The following CSF1R variants were observed in gnomAD, a reference collection of about 807,000 sequenced individuals.
CSF1R encodes macrophage colony-stimulating factor 1 receptor.
CSF1R carries 40 observed loss-of-function variants against 110.0 expected under a neutral mutation model. The observed-to-expected ratio is 0.36, with a 90% CI of 0.28 to 0.47. The LOEUF is 0.47. CSF1R is among the 20% of genes least tolerant of loss of function. CSF1R has a pLI of 0.99. For missense variants in CSF1R, 1,052 were observed against 1,253.0 expected, an observed-to-expected ratio of 0.84 and a Z score of 2.42; for synonymous variants, 523 against 503.4, an observed-to-expected ratio of 1.04 and a Z score of -0.52.
At chr5:150,061,027 C>G (rs1037981992) in intron 12 of CSF1R, 55 bp from the exon 13 acceptor site, 1 of 1,258,828 alleles carries the variant, frequency 7.9e-7, no homozygotes, top group Non-Finnish European at 1.1e-6. Flanking sequence ...CAGAGAGCAC[C>G]ACACAGATAC....
chr5:150,110,552 C>T (rs1759686414), intron 1 of CSF1R, among the ~76,000 whole-genome samples: 1 of 152,118 alleles, frequency 6.6e-6, no homozygotes, highest in Admixed American at 6.5e-5. Flanking sequence ...TTCCCATGGA[C>T]CTATGAGTAT....
intron 11 of CSF1R, 45 bp downstream of exon 11, chr5:150,061,678 A>T (rs1211520064): frequency 1.2e-6 from 2 of 1,614,124 alleles, no homozygotes; most frequent in Non-Finnish European, 1.7e-6. Context: ...CAACCCCCAC[A>T]GGCCCTGTGA....
At chr5:150,108,355 A>C (rs1322937399) in intron 1 of CSF1R, among the ~76,000 whole-genome samples, 1 of 152,182 alleles carries the variant, frequency 6.6e-6, no homozygotes, top group Non-Finnish European at 1.5e-5. Context: ...GGTAGCACCA[A>C]AAAAAGGGGC....
intron 1 of CSF1R, among the ~76,000 whole-genome samples, chr5:150,105,219 G>A (rs1186018056): frequency 2.0e-5 from 3 of 148,276 alleles, no homozygotes; most frequent in Admixed American, 6.7e-5. Context: ...GTGGTGGCAC[G>A]TGGCTGTAGT....
rs755391076 is a variant in CSF1R, at chr5:150,069,838, G to A, written c.1510+35C>T. ...AAAGGAGCAGGGGCGGGGGGCGGGCGGGGGGGCGGTGCGGGTGCGAAGGCT... is the reference window on the plus strand; with the variant it reads ...AAAGGAGCAGGGGCGGGGGGCGGGCAGGGGGGCGGTGCGGGTGCGAAGGCT... On this transcript the variant is annotated intron_variant, in intron 9 of 20. Transcript: ENST00000675795. The A allele has an allele frequency of 2.3e-5, 25 of 1,096,572 alleles. No individual in the cohort carries two copies. In the East Asian group the frequency reaches 2.5e-4, roughly 11 times the overall value. 67.9% of individuals were successfully genotyped at this position (1,096,572 alleles called of 1,614,324 possible). A position where few individuals can be genotyped will look rare whatever the true frequency, so the allele number is the denominator to read the frequency against.
intron 19 of CSF1R, chr5:150,054,771 A>G (rs189471766): frequency 0.025 from 6,786 of 272,920 alleles, 107 homozygotes; most frequent in South Asian, 0.054. Flanking sequence ...AGGATTGCAT[A>G]AGGCCAGGAG....
chr5:150,105,507 C>T (rs1191700889), intron 1 of CSF1R, among the ~76,000 whole-genome samples: 3 of 151,364 alleles, frequency 2.0e-5, no homozygotes, highest in African/African-American at 7.3e-5. Flanking sequence ...TGAGCCACTA[C>T]ACCTGGCCTC....
chr5:150,087,147 A>G (rs1581334791), upstream of CSF1R, among the ~76,000 whole-genome samples: 1 of 152,334 alleles, frequency 6.6e-6, no homozygotes, highest in African/African-American at 2.4e-5. Context: ...GGAGGGCACC[A>G]GATTCGTGTC....
intron 5 of CSF1R, among the ~76,000 whole-genome samples, chr5:150,075,221 C>G (rs965256449): frequency 3.3e-4 from 50 of 152,324 alleles, no homozygotes; most frequent in Admixed American, 3.3e-3. Context: ...AACAATCCAT[C>G]TATCTATTAT....
chr5:150,067,447 T>C (rs1283437235), intron 10 of CSF1R, among the ~76,000 whole-genome samples: 5 of 152,196 alleles, frequency 3.3e-5, no homozygotes, highest in Non-Finnish European at 7.3e-5. Context: ...TAAAACAGAC[T>C]AATGCTAGCT....
intron 1 of CSF1R, among the ~76,000 whole-genome samples, chr5:150,092,658 C>T (rs1759084952): frequency 6.6e-6 from 1 of 152,132 alleles, no homozygotes; most frequent in Non-Finnish European, 1.5e-5. Flanking sequence ...ATAAAACCAT[C>T]AGATCTCGTG....
intron 18 of CSF1R, among the ~76,000 whole-genome samples, 154 bp downstream of exon 18, chr5:150,055,872 C>G (rs555396463): frequency 6.6e-6 from 1 of 152,372 alleles, no homozygotes; most frequent in East Asian, 1.9e-4. Flanking sequence ...CCGAGTCCCG[C>G]AGGAGCCACG....
chr5:150,084,476 G>A (rs919897157), intron 1 of CSF1R, among the ~76,000 whole-genome samples: 1 of 143,178 alleles, frequency 7.0e-6, no homozygotes, highest in African/African-American at 2.7e-5. Context: ...GGAAGGAGAT[G>A]GAGTCTTGCT....
intron 9 of CSF1R, among the ~76,000 whole-genome samples, chr5:150,069,363 C>T (rs1238448035): frequency 2.0e-5 from 3 of 152,200 alleles, no homozygotes; most frequent in African/African-American, 4.8e-5. Context: ...GGCATCATCC[C>T]CCGGGGCAGC....
At chr5:150,054,509 T>G in intron 19 of CSF1R, 79 bp from the exon 20 acceptor site, 1 of 1,219,068 alleles carries the variant, frequency 8.2e-7, no homozygotes, top group Non-Finnish European at 1.1e-6. Flanking sequence ...TAGAGAGACC[T>G]ACCCAGCAGA....
chr5:150,107,067 C>T (rs1470452779), intron 1 of CSF1R, among the ~76,000 whole-genome samples: 1 of 152,186 alleles, frequency 6.6e-6, no homozygotes, highest in African/African-American at 2.4e-5. Context: ...TCAGTCAATG[C>T]CAGATGCATG....
intron 1 of CSF1R, 145 bp downstream of exon 1, chr5:150,086,234 G>A: frequency 1.3e-6 from 1 of 751,990 alleles, no homozygotes; most frequent in Non-Finnish European, 2.2e-6. Context: ...CCTCTCCAAA[G>A]CAGATACCCA....
chr5:150,074,349 C>A (rs1298294634), intron 5 of CSF1R, among the ~76,000 whole-genome samples: 1 of 133,980 alleles, frequency 7.5e-6, no homozygotes, highest in Non-Finnish European at 1.5e-5. Context: ...GCTCTGTCAT[C>A]CAGGCTGGAG....
At chr5:150,065,969 G>C (rs1757753006) in intron 10 of CSF1R, among the ~76,000 whole-genome samples, 1 of 152,216 alleles carries the variant, frequency 6.6e-6, no homozygotes, top group African/African-American at 2.4e-5. Flanking sequence ...GGCACTGCGA[G>C]GCAGTTTTCA....
Sources: gnomAD v4.1 joint callset for allele counts (sites outside exome capture counted in the v4.1 genomes callset) on GRCh38, gnomAD v4.1.1 for gene constraint, MANE v1.5 for transcripts, NCBI Gene and HGNC (gene_info 2026-07-23, HGNC 2026-07-21) for gene names.